Variants in DPP10 observed in about 807,000 individuals in gnomAD.
The protein encoded by DPP10 is dipeptidyl peptidase like 10.
DPP10 carries 33 observed loss-of-function variants against 120.9 expected under a neutral mutation model. That is an observed-to-expected ratio of 0.27 (90% CI 0.21 to 0.37). The LOEUF is 0.37. Ranked by LOEUF, DPP10 falls within the 10% of genes least tolerant of loss-of-function variation. The pLI, the probability that DPP10 is intolerant of heterozygous loss-of-function variation, is 1.00. For missense variants in DPP10, 816 were observed against 942.8 expected, an observed-to-expected ratio of 0.87 and a Z score of 1.76; for synonymous variants, 337 against 326.1, an observed-to-expected ratio of 1.03 and a Z score of -0.36.
At chr2:115,156,143 C>T (rs1197075030) in intron 1 of DPP10, among the ~76,000 whole-genome samples, 2 of 152,168 alleles carry the variant, frequency 1.3e-5, no homozygotes, top group Non-Finnish European at 2.9e-5. Context: ...AAACAATGTT[C>T]AGTATTGAAA....
chr2:115,731,628 T>A (rs2092912723), intron 8 of DPP10, among the ~76,000 whole-genome samples: 2 of 152,166 alleles, frequency 1.3e-5, no homozygotes, highest in Non-Finnish European at 2.9e-5. Flanking sequence ...TGAATGTGTG[T>A]CTTTTGTTCC....
chr2:115,004,559 G>A lies in DPP10; in HGVS notation c.61-304680G>A, dbSNP rs545571903. On this transcript the variant is annotated intron_variant, in intron 1 of 25. Transcript: ENST00000410059. ...GGCGAGGCATTGCCTCACTCGGGAA[G>A]CGCAAGGGGTCAGGGAGTTCCCTTT... is the stretch of plus-strand genomic sequence containing the variant. 2.6e-5 allele frequency among the ~76,000 whole-genome samples: 4 copies of A among 152,316 alleles called. No homozygotes were observed. In the South Asian group the frequency reaches 8.3e-4, roughly 32 times the overall value.
chr2:115,405,658 C>G (rs2068451662), intron 3 of DPP10, among the ~76,000 whole-genome samples: 1 of 152,288 alleles, frequency 6.6e-6, no homozygotes, highest in Non-Finnish European at 1.5e-5. Context: ...TGCACCTCCT[C>G]CACTCTTGCA....
At chr2:114,770,209 A>G (rs1359473433) in intron 1 of DPP10, among the ~76,000 whole-genome samples, 1 of 152,188 alleles carries the variant, frequency 6.6e-6, no homozygotes, top group African/African-American at 2.4e-5. Context: ...TCTCTGGGGA[A>G]GAGTGAGCCC....
At chr2:115,141,112 T>C (rs796117397) in intron 1 of DPP10, among the ~76,000 whole-genome samples, 8 of 152,164 alleles carry the variant, frequency 5.3e-5, no homozygotes, top group African/African-American at 1.9e-4. Flanking sequence ...TTTGGAAAAA[T>C]ACTTAGAAAT....
At chr2:115,073,738 T>C (rs1365908111) in intron 1 of DPP10, among the ~76,000 whole-genome samples, 1 of 152,206 alleles carries the variant, frequency 6.6e-6, no homozygotes, top group African/African-American at 2.4e-5. Context: ...CTCTATAAAG[T>C]AGAGTGATTA....
At chr2:115,319,455 A>T (rs2061954856) in intron 2 of DPP10, among the ~76,000 whole-genome samples, 1 of 152,172 alleles carries the variant, frequency 6.6e-6, no homozygotes, top group African/African-American at 2.4e-5. Context: ...GAGGAGTTTG[A>T]GAAAGATGAG....
intron 3 of DPP10, among the ~76,000 whole-genome samples, chr2:115,407,829 C>T (rs575025334): frequency 3.3e-5 from 5 of 151,768 alleles, no homozygotes; most frequent in Admixed American, 6.5e-5. Flanking sequence ...AGTATGGACA[C>T]ACAATTACCT....
chr2:115,048,881 A>G (rs1218164215), intron 1 of DPP10, among the ~76,000 whole-genome samples: 3 of 152,116 alleles, frequency 2.0e-5, no homozygotes, highest in Non-Finnish European at 4.4e-5. Flanking sequence ...TGTATAATTC[A>G]TTATGTTTCT....
chr2:115,658,529 A>G (rs946632325), intron 5 of DPP10, among the ~76,000 whole-genome samples: 1 of 152,028 alleles, frequency 6.6e-6, no homozygotes, highest in Admixed American at 6.6e-5. Flanking sequence ...ATTATTACCA[A>G]TGGTAGGCAC....
intron 13 of DPP10, among the ~76,000 whole-genome samples, chr2:115,772,170 G>T (rs889723779): frequency 6.6e-6 from 1 of 151,986 alleles, no homozygotes; most frequent in African/African-American, 2.4e-5. Flanking sequence ...AATTTTAAAT[G>T]CACACTTTTC....
intron 5 of DPP10, among the ~76,000 whole-genome samples, chr2:115,667,578 G>A (rs540987152): frequency 6.6e-6 from 1 of 152,156 alleles, no homozygotes; most frequent in East Asian, 1.9e-4. Flanking sequence ...ACTTATCCCA[G>A]CACCATTTAT....
chr2:114,786,297 T>C (rs1682759963), intron 1 of DPP10, among the ~76,000 whole-genome samples: 1 of 152,208 alleles, frequency 6.6e-6, no homozygotes, highest in Non-Finnish European at 1.5e-5. Context: ...TTGTGTTTGG[T>C]GCAACTTACT....
intron 5 of DPP10, among the ~76,000 whole-genome samples, chr2:115,689,330 A>G (rs1243089495): frequency 1.3e-5 from 2 of 152,186 alleles, no homozygotes; most frequent in Non-Finnish European, 2.9e-5. Flanking sequence ...GGAGTGGGTG[A>G]TAAGTTTAGA....
At chr2:114,897,668 C>T (rs1413874685) in intron 1 of DPP10, among the ~76,000 whole-genome samples, 2 of 151,700 alleles carry the variant, frequency 1.3e-5, no homozygotes, top group African/African-American at 4.8e-5. Context: ...ACAAACAACC[C>T]CATCAAAAAG....
intron 1 of DPP10, among the ~76,000 whole-genome samples, chr2:114,705,447 A>G (rs1700631141): frequency 6.6e-6 from 1 of 152,132 alleles, no homozygotes; most frequent in Non-Finnish European, 1.5e-5. Flanking sequence ...ATACATAAGA[A>G]TATGTATGTG....
At chr2:115,238,248 C>T (rs1239991865) in intron 1 of DPP10, among the ~76,000 whole-genome samples, 2 of 152,148 alleles carry the variant, frequency 1.3e-5, no homozygotes, top group Non-Finnish European at 2.9e-5. Context: ...ACAAATGGAA[C>T]AACAAACCCT....
chr2:114,460,701 C>A (rs3885217), intron 1 of DPP10, among the ~76,000 whole-genome samples: 1 of 151,928 alleles, frequency 6.6e-6, no homozygotes, highest in African/African-American at 2.4e-5. Flanking sequence ...GCTTAGTTTG[C>A]GTTACTTTCT....
chr2:114,503,226 T>C (rs1319309876), intron 1 of DPP10, among the ~76,000 whole-genome samples: 3 of 152,214 alleles, frequency 2.0e-5, no homozygotes, highest in African/African-American at 4.8e-5. Context: ...TGTGCACAGC[T>C]AGTACATCTG....
Sources: allele counts gnomAD v4.1 joint callset (sites outside exome capture counted in the v4.1 genomes callset), GRCh38; gene constraint gnomAD v4.1.1; transcripts MANE v1.5; gene names NCBI Gene and HGNC (gene_info 2026-07-23, HGNC 2026-07-21).